The following GMDS variants were observed in gnomAD, a reference collection of about 807,000 sequenced individuals.
GMDS encodes the protein GDP-mannose 4,6 dehydratase.
In GMDS, 20 loss-of-function variants were observed where a neutral mutation model predicts 49.9. That is an observed-to-expected ratio of 0.40 (90% CI 0.28 to 0.58). GMDS has a LOEUF of 0.58. GMDS is among the 20% of genes least tolerant of loss of function. The pLI is 0.42. For synonymous variants in GMDS, 177 were observed against 178.6 expected (o/e 0.99, Z 0.07); for missense variants, 362 against 481.4 (o/e 0.75, Z 2.32).
Position 1,893,193 on chromosome 6 carries a change from C to CTTT in GMDS, c.771+36907_771+36909dup, listed in dbSNP as rs1197199049. On this transcript the variant is annotated intron_variant, in intron 7 of 10. Coordinates refer to ENST00000380815, the MANE Select transcript of GMDS (RefSeq NM_001500.4). ...TTTCTCATCTCTGGTTTTTTGTTTT[C>CTTT]TTTTTTTTTTTTTTTTTTGAGACGG... 3.1e-3 allele frequency among the ~76,000 whole-genome samples: 396 copies of CTTT among 127,476 alleles called. 2 individuals are homozygous for CTTT. Among genetic ancestry groups the CTTT allele is most frequent in the Non-Finnish European group, 5.6e-3 (342 of 61,216 alleles). The allele number at this position is 127,476 out of a possible 152,430, so 83.6% of individuals were successfully genotyped here.
intron 7 of GMDS, among the ~76,000 whole-genome samples, chr6:1,911,187 C>A (rs1174283978): frequency 6.6e-6 from 1 of 152,178 alleles, no homozygotes; most frequent in Non-Finnish European, 1.5e-5. Context: ...ACATACTGAT[C>A]CGCGTAACCA....
chr6:1,743,853 A>G (rs558256378), intron 7 of GMDS, among the ~76,000 whole-genome samples: 1 of 152,216 alleles, frequency 6.6e-6, no homozygotes, highest in Admixed American at 6.5e-5. Context: ...AAAAAAATCA[A>G]TCTCTATTTT....
chr6:2,196,143 T>C (rs1167378002), intron 1 of GMDS, among the ~76,000 whole-genome samples: 1 of 152,190 alleles, frequency 6.6e-6, no homozygotes, highest in Admixed American at 6.5e-5. Context: ...TAAGATTGTG[T>C]AAAAAACTAG....
At chr6:1,654,535 C>T (rs1763811416) in intron 9 of GMDS, among the ~76,000 whole-genome samples, 1 of 152,184 alleles carries the variant, frequency 6.6e-6, no homozygotes, top group South Asian at 2.1e-4. Context: ...TCCATGGTTC[C>T]ACTTACGTGA....
intron 4 of GMDS, among the ~76,000 whole-genome samples, chr6:1,967,182 G>A (rs1045795990): frequency 3.9e-5 from 6 of 152,038 alleles, no homozygotes; most frequent in African/African-American, 9.7e-5. Flanking sequence ...TTATCCACCC[G>A]TCTTTATCCT....
intron 4 of GMDS, among the ~76,000 whole-genome samples, chr6:2,111,366 C>T (rs2127495769): frequency 6.6e-6 from 1 of 152,284 alleles, no homozygotes; most frequent in South Asian, 2.1e-4. Flanking sequence ...CTCACTTTCT[C>T]CCACATAAGA....
intron 1 of GMDS, among the ~76,000 whole-genome samples, chr6:2,240,703 C>T (rs1033144121): frequency 6.6e-6 from 1 of 151,748 alleles, no homozygotes; most frequent in African/African-American, 2.4e-5. Context: ...GCACTTTGAA[C>T]GGTACCTGGC....
At chr6:2,008,545 A>G (rs1392791176) in intron 4 of GMDS, among the ~76,000 whole-genome samples, 1 of 152,148 alleles carries the variant, frequency 6.6e-6, no homozygotes, top group Non-Finnish European at 1.5e-5. Flanking sequence ...CTGACAGTTC[A>G]CTATCAAGCT....
intron 7 of GMDS, among the ~76,000 whole-genome samples, chr6:1,763,442 T>C (rs1398500934): frequency 6.6e-6 from 1 of 152,192 alleles, no homozygotes; most frequent in African/African-American, 2.4e-5. Context: ...GTAAACCTAC[T>C]GGCAAGTGAT....
At chr6:1,773,380 C>T (rs943857665) in intron 7 of GMDS, among the ~76,000 whole-genome samples, 1 of 151,892 alleles carries the variant, frequency 6.6e-6, no homozygotes, top group Non-Finnish European at 1.5e-5. Flanking sequence ...CTGACCACTG[C>T]TTAGAATGTT....
chr6:2,055,133 A>G (rs1770705925), intron 4 of GMDS, among the ~76,000 whole-genome samples: 1 of 152,140 alleles, frequency 6.6e-6, no homozygotes, highest in Non-Finnish European at 1.5e-5. Context: ...TCCTGTAAAG[A>G]TAGAGCGATA....
chr6:2,227,555 G>A (rs1039481464), intron 1 of GMDS, among the ~76,000 whole-genome samples: 1 of 152,226 alleles, frequency 6.6e-6, no homozygotes, highest in East Asian at 1.9e-4. Flanking sequence ...GCTGATTCTA[G>A]TGAGAATTTC....
rs1042959225 is a variant in GMDS, at chr6:1,640,125, G to T, written c.988-15585C>A. Among the ~76,000 whole-genome samples, 31 of 152,160 alleles carry T rather than the reference G, an allele frequency of 2.0e-4. No homozygotes were observed. Among genetic ancestry groups the T allele is most frequent in the African/African-American group, 7.5e-4 (31 of 41,436 alleles). On this transcript the variant is annotated intron_variant, in intron 9 of 10. Transcript: ENST00000380815. This position sits in a 1 kb window ranked among gnomAD's most constrained non-coding sequence, Gnocchi z 4.0. ...TACTGGGGCCCAGGGGATGCAGTTAGACCCCAGAAGGATGTACCAGTCCAT... is the reference window on the plus strand; with the variant it reads ...TACTGGGGCCCAGGGGATGCAGTTATACCCCAGAAGGATGTACCAGTCCAT...
intron 6 of GMDS, chr6:1,949,059 T>G (rs1379107498): frequency 1.0e-6 from 1 of 973,148 alleles, no homozygotes; most frequent in Non-Finnish European, 1.2e-6. Flanking sequence ...GGTCTTTCAC[T>G]TTGGAAGGGA....
At position 1,697,316 on chromosome 6, in the gene GMDS, G is replaced by C. The variant is rs149162480; in HGVS notation, c.987+29100C>G. Among the ~76,000 whole-genome samples, 619 of 152,290 alleles carry C rather than the reference G, an allele frequency of 4.1e-3. 6 individuals carry two copies. Among genetic ancestry groups the C allele is most frequent in the African/African-American group, 0.014 (593 of 41,562 alleles). On this transcript the variant is annotated intron_variant, in intron 9 of 10. Transcript: ENST00000380815. ...CTCCGAGCCAGATACCAGCAATGTA[G>C]ACAAAGCATTTGGGAAGTTGGATCA...
chr6:2,242,709 C>T (rs1781668177), intron 1 of GMDS, among the ~76,000 whole-genome samples: 1 of 152,178 alleles, frequency 6.6e-6, no homozygotes, highest in African/African-American at 2.4e-5. Flanking sequence ...GGGTTCAGAT[C>T]TCAGTTCTGA....
intron 9 of GMDS, among the ~76,000 whole-genome samples, chr6:1,715,785 T>C (rs1375669361): frequency 6.6e-6 from 1 of 152,244 alleles, no homozygotes; most frequent in Non-Finnish European, 1.5e-5. Context: ...GTAGGACATA[T>C]TCAAACTACC....
At chr6:2,022,629 A>G (rs879450602) in intron 4 of GMDS, among the ~76,000 whole-genome samples, 12 of 152,224 alleles carry the variant, frequency 7.9e-5, no homozygotes, top group Admixed American at 5.9e-4. Flanking sequence ...TTAGCTGCAC[A>G]AGATTTGTTA....
intron 1 of GMDS, among the ~76,000 whole-genome samples, chr6:2,154,863 C>CAAAAGAAAAA (rs1777026061): frequency 1.5e-5 from 1 of 65,626 alleles, no homozygotes; most frequent in Non-Finnish European, 3.0e-5. Context: ...TGAAGAGATG[C>CAAAAGAAAAA]AAAAAAAAAA....
Sources: allele counts gnomAD v4.1 joint callset (sites outside exome capture counted in the v4.1 genomes callset), GRCh38; gene constraint gnomAD v4.1.1; non-coding constraint Gnocchi (gnomAD v3.1); transcripts MANE v1.5; gene names NCBI Gene and HGNC (gene_info 2026-07-23, HGNC 2026-07-21).